Variants in DSC1 observed in about 807,000 individuals in gnomAD.
The protein encoded by DSC1 is desmocollin 1.
Under a neutral mutation model 98.8 loss-of-function variants are expected in DSC1, and 79 were observed. The ratio of observed to expected loss-of-function variants is 0.80; its 90% CI spans 0.67 to 0.96. The LOEUF is 0.96. Among genes scored for constraint, DSC1 ranks in the 50% least tolerant of loss-of-function variants. The pLI, the probability that DSC1 is intolerant of heterozygous loss-of-function variation, is 0.00. For missense variants in DSC1, 1,115 were observed against 1,075.9 expected (o/e 1.04, Z -0.51); for synonymous variants, 405 against 372.1 (o/e 1.09, Z -1.02).
chr18:31,162,816 A>G lies in DSC1; in HGVS notation c.-222T>C. ...TTCCCTGGCCAGTCTCCTTCCTTCC[A>G]GTTCAATTACGTCTAAATGCAAAGA... On this transcript the variant is annotated 5_prime_UTR_variant, in exon 1 of 16. Coordinates refer to ENST00000257198, the MANE Select transcript of DSC1 (RefSeq NM_024421.2). The G allele has an allele frequency of 1.9e-6, 1 of 535,294 alleles. No homozygotes were observed. Among genetic ancestry groups the G allele is most frequent in the South Asian group, 2.4e-5 (1 of 41,992 alleles). 33.2% of individuals were successfully genotyped at this position (535,294 alleles called of 1,614,324 possible). A position where few individuals can be genotyped will look rare whatever the true frequency, so the allele number is the denominator to read the frequency against.
intron 5 of DSC1, among the ~76,000 whole-genome samples, chr18:31,151,701 A>G (rs1989002841): frequency 6.6e-6 from 1 of 152,192 alleles, no homozygotes; most frequent in South Asian, 2.1e-4. Context: ...GCAAACAGCT[A>G]CTGACAGAAA....
chr18:31,159,349 G>A (rs895684224), intron 2 of DSC1, 96 bp downstream of exon 2: 18 of 1,268,914 alleles, frequency 1.4e-5, no homozygotes, highest in African/African-American at 3.0e-5. Context: ...CACCGCGCCC[G>A]GCCTACTATG....
At chr18:31,159,047 GT>G (rs560889140) in intron 2 of DSC1, among the ~76,000 whole-genome samples, 35 of 71,072 alleles carry the variant, frequency 4.9e-4, no homozygotes, top group East Asian at 2.2e-3. Context: ...CTACTATGTG[GT>G]TTTTTTTTTT....
At chr18:31,152,023 G>A (rs1312594586) in intron 5 of DSC1, among the ~76,000 whole-genome samples, 3 of 151,994 alleles carry the variant, frequency 2.0e-5, no homozygotes, top group South Asian at 4.2e-4. Context: ...TTAGCTGGGC[G>A]TGGTGGTGGG....
chr18:31,151,654 T>C (rs961177144), intron 5 of DSC1, among the ~76,000 whole-genome samples: 1 of 152,208 alleles, frequency 6.6e-6, no homozygotes, highest in Non-Finnish European at 1.5e-5. Context: ...CCTTTCACAC[T>C]ATATATTGCT....
At chr18:31,134,205 G>A in intron 12 of DSC1, 75 bp from the exon 13 acceptor site, 1 of 1,487,510 alleles carries the variant, frequency 6.7e-7, no homozygotes, top group Non-Finnish European at 9.0e-7. Flanking sequence ...AATATTCTCA[G>A]TGGAAGGGAA....
chr18:31,150,578 C>T (rs1330579523), intron 5 of DSC1, among the ~76,000 whole-genome samples: 5 of 151,770 alleles, frequency 3.3e-5, no homozygotes, highest in South Asian at 4.2e-4. Context: ...TCATCATCAT[C>T]GCCACCGTCA....
At chr18:31,131,967 C>A (rs1988503338) in intron 14 of DSC1, 125 bp from the exon 15 acceptor site, 12 of 1,135,630 alleles carry the variant, frequency 1.1e-5, no homozygotes, top group Non-Finnish European at 1.5e-5. Context: ...TACATAAAAT[C>A]AGAATAATAG....
Position 31,132,549 on chromosome 18 carries a change from G to A in DSC1, c.2238+19C>T, listed in dbSNP as rs763522101. 1.2e-6 allele frequency: 2 copies of A among 1,612,028 alleles called. No individual in the cohort carries two copies. The highest frequency in any genetic ancestry group is 1.7e-6 in the Non-Finnish European group (2 of 1,178,894). Reference sequence around the variant, plus strand: ...ATTTGTTCACCGTACAATTCAAAGGGATGTGAAATCTGATTTACCGTTACT... The same window carrying A: ...ATTTGTTCACCGTACAATTCAAAGGAATGTGAAATCTGATTTACCGTTACT... On this transcript the variant is annotated intron_variant, in intron 14 of 15. Transcript: ENST00000257198.
intron 3 of DSC1, 99 bp downstream of exon 3, chr18:31,157,272 A>G (rs2143931157): frequency 1.6e-6 from 2 of 1,253,466 alleles, no homozygotes; most frequent in Non-Finnish European, 1.1e-6. Context: ...GTCATTCAAT[A>G]GCATAGATTT....
At chr18:31,145,545 C>G in intron 7 of DSC1, 66 bp downstream of exon 7, 1 of 1,573,562 alleles carries the variant, frequency 6.4e-7, no homozygotes, top group Non-Finnish European at 8.7e-7. Flanking sequence ...ATTGCAACTT[C>G]TCTCGGGAGT....
intron 11 of DSC1, among the ~76,000 whole-genome samples, 159 bp from the exon 12 acceptor site, chr18:31,134,943 G>A (rs1650135996): frequency 1.3e-5 from 2 of 152,066 alleles, no homozygotes; most frequent in Admixed American, 6.6e-5. Flanking sequence ...ACAAAATAGG[G>A]ACATGTCACT....
At position 31,131,859 on chromosome 18, in the gene DSC1, A is replaced by C; in HGVS notation, c.2239-17T>G. 6.2e-7 allele frequency: 1 copy of C among 1,608,930 alleles called. No homozygotes were observed. Among genetic ancestry groups the C allele is most frequent in the African/African-American group, 1.3e-5 (1 of 74,808 alleles). ...ATTTGCTTCCTAAAAGTAAAGTGAG[A>C]GTGATAAAGTGAATTTGAAAAATGG... On this transcript the variant is annotated splice_polypyrimidine_tract_variant and intron_variant, in intron 14 of 15. Transcript: ENST00000257198.
chr18:31,153,315 A>G (rs1989035987), intron 5 of DSC1, among the ~76,000 whole-genome samples: 1 of 152,158 alleles, frequency 6.6e-6, no homozygotes, highest in East Asian at 1.9e-4. Context: ...TCTAGTAAAG[A>G]AACTGTAAAA....
At chr18:31,148,730 T>TAAA in intron 5 of DSC1, 88 bp from the exon 6 acceptor site, 12 of 1,086,882 alleles carry the variant, frequency 1.1e-5, no homozygotes, top group East Asian at 3.0e-5. Context: ...AATGTAACAT[T>TAAA]AAAAAAAAAA....
chr18:31,149,181 G>A (rs949229793), intron 5 of DSC1, among the ~76,000 whole-genome samples: 5 of 152,086 alleles, frequency 3.3e-5, no homozygotes, highest in Non-Finnish European at 4.4e-5. Context: ...GTCCCCAACA[G>A]CCAGTATGTA....
chr18:31,156,684 T>C (rs1271185319), intron 3 of DSC1, among the ~76,000 whole-genome samples: 2 of 152,242 alleles, frequency 1.3e-5, no homozygotes, highest in Non-Finnish European at 2.9e-5. Flanking sequence ...AAGAATTTAG[T>C]TGGGAAATCC....
intron 5 of DSC1, among the ~76,000 whole-genome samples, chr18:31,149,689 G>T (rs1988919992): frequency 6.6e-6 from 1 of 152,078 alleles, no homozygotes; most frequent in Admixed American, 6.5e-5. Flanking sequence ...ACTCGTCAGT[G>T]ATTTACCCAC....
chr18:31,148,389 T>C (rs1598623641), intron 6 of DSC1, 109 bp downstream of exon 6: 1 of 1,324,222 alleles, frequency 7.6e-7, no homozygotes, highest in Non-Finnish European at 1.0e-6. Context: ...TAATCAGAAA[T>C]ACCAGAAAAT....
Sources: allele counts gnomAD v4.1 joint callset (sites outside exome capture counted in the v4.1 genomes callset), GRCh38; gene constraint gnomAD v4.1.1; transcripts MANE v1.5; gene names NCBI Gene and HGNC (gene_info 2026-07-23, HGNC 2026-07-21).